Variants in ROR2 observed in about 807,000 individuals in gnomAD.
The protein encoded by ROR2 is ROR family WNT receptor 2.
Under a neutral mutation model 74.9 loss-of-function variants are expected in ROR2, and 33 were observed. That is an observed-to-expected ratio of 0.44 (90% CI 0.33 to 0.59). The LOEUF is 0.59. Ranked by LOEUF, ROR2 falls within the 20% of genes least tolerant of loss-of-function variation. ROR2 has a pLI of 0.02. For missense variants in ROR2, 1,216 were observed against 1,313.8 expected (o/e 0.93, Z 1.15); for synonymous variants, 586 against 558.7 (o/e 1.05, Z -0.69).
At chr9:91,799,156 G>A (rs1827292719) in intron 1 of ROR2, among the ~76,000 whole-genome samples, 1 of 152,124 alleles carries the variant, frequency 6.6e-6, no homozygotes, top group African/African-American at 2.4e-5. Flanking sequence ...TTCCTTTTCT[G>A]TTGCAGTTCT....
intron 4 of ROR2, among the ~76,000 whole-genome samples, chr9:91,748,394 A>G (rs1825499381): frequency 6.6e-6 from 1 of 152,260 alleles, no homozygotes; most frequent in African/African-American, 2.4e-5. Flanking sequence ...CAATGTACAC[A>G]TATATCAAAA....
intron 1 of ROR2, among the ~76,000 whole-genome samples, chr9:91,866,482 A>T (rs1404818723): frequency 6.7e-5 from 9 of 135,060 alleles, no homozygotes; most frequent in Non-Finnish European, 1.4e-4. Context: ...CAGTGGCATG[A>T]TCTTGGCTCA....
intron 1 of ROR2, among the ~76,000 whole-genome samples, chr9:91,865,245 G>C (rs989653425): frequency 9.9e-5 from 15 of 152,148 alleles, no homozygotes; most frequent in African/African-American, 3.4e-4. Flanking sequence ...CAGCTGGCAG[G>C]TTACACACTT....
At chr9:91,753,320 G>C (rs1295055895) in intron 4 of ROR2, among the ~76,000 whole-genome samples, 1 of 152,234 alleles carries the variant, frequency 6.6e-6, no homozygotes, top group Non-Finnish European at 1.5e-5. Flanking sequence ...GAGGAGACAT[G>C]AGTGCCAAGC....
At chr9:91,832,404 C>T (rs1445855227) in intron 1 of ROR2, among the ~76,000 whole-genome samples, 2 of 148,234 alleles carry the variant, frequency 1.3e-5, no homozygotes, top group African/African-American at 4.9e-5. Flanking sequence ...AGGCTGTGTC[C>T]CCTACCCATG....
rs538943048 is a variant in ROR2 at position 91,803,398 on chromosome 9, G to C, written c.98-27580C>G. 2.0e-5 allele frequency among the ~76,000 whole-genome samples: 3 copies of C among 152,346 alleles called. No individual in the cohort carries two copies. In the East Asian group the frequency reaches 5.8e-4, roughly 29 times the overall value. Reference sequence around the variant, plus strand: ...ACAGAATGGAGGCTGCCAGAGGCTGGAGGAGGGGACAGGGAGTTGTTTAAT... The same window carrying C: ...ACAGAATGGAGGCTGCCAGAGGCTGCAGGAGGGGACAGGGAGTTGTTTAAT... On this transcript the variant is annotated intron_variant, in intron 1 of 8. Transcript: ENST00000375708.
intron 1 of ROR2, among the ~76,000 whole-genome samples, chr9:91,949,275 A>G (rs528175455): frequency 1.3e-5 from 2 of 151,586 alleles, no homozygotes; most frequent in South Asian, 4.2e-4. Context: ...GATGCCAAAG[A>G]GCCCGTTTCC....
intron 1 of ROR2, among the ~76,000 whole-genome samples, chr9:91,824,490 A>G (rs757329466): frequency 6.6e-6 from 1 of 152,238 alleles, no homozygotes; most frequent in Non-Finnish European, 1.5e-5. Context: ...AGTGCATTCA[A>G]CAGGTCTACT....
intron 1 of ROR2, among the ~76,000 whole-genome samples, chr9:91,833,004 G>C (rs1458423788): frequency 6.6e-6 from 1 of 152,200 alleles, no homozygotes; most frequent in African/African-American, 2.4e-5. Flanking sequence ...CCACCAGCAA[G>C]TCAGGATGTG....
chr9:91,803,316 G>C (rs1031300410), intron 1 of ROR2, among the ~76,000 whole-genome samples: 2 of 152,200 alleles, frequency 1.3e-5, no homozygotes, highest in African/African-American at 4.8e-5. Flanking sequence ...AACGACAAAG[G>C]CTATGTGAAT....
chr9:91,760,192 G>A (rs1002726017), intron 2 of ROR2, among the ~76,000 whole-genome samples: 1 of 152,086 alleles, frequency 6.6e-6, no homozygotes, highest in African/African-American at 2.4e-5. Context: ...TCCCCTCCAT[G>A]GAAGGTGTTT....
chr9:91,921,856 CAAAAA>C (rs560682210), intron 1 of ROR2, among the ~76,000 whole-genome samples: 1 of 88,318 alleles, frequency 1.1e-5, no homozygotes. Context: ...GACTCCGTCT[CAAAAA>C]AAAAAAAAAA....
chr9:91,888,822 A>C (rs896048449), intron 1 of ROR2, among the ~76,000 whole-genome samples: 2 of 152,212 alleles, frequency 1.3e-5, no homozygotes, highest in Non-Finnish European at 2.9e-5. Context: ...CTGCACGGGA[A>C]GCAATGTCCT....
intron 1 of ROR2, among the ~76,000 whole-genome samples, chr9:91,865,069 A>C (rs1829587885): frequency 6.6e-6 from 1 of 152,222 alleles, no homozygotes; most frequent in African/African-American, 2.4e-5. Context: ...GTAATCTACA[A>C]AATCCTCAAT....
chr9:91,882,977 C>T (rs1042933097), intron 1 of ROR2, among the ~76,000 whole-genome samples: 1 of 152,188 alleles, frequency 6.6e-6, no homozygotes, highest in Middle Eastern at 3.2e-3. Flanking sequence ...GAGATATATA[C>T]TACAGGTTGA....
chr9:91,748,891 G>C (rs1176541474), intron 4 of ROR2, among the ~76,000 whole-genome samples: 1 of 152,212 alleles, frequency 6.6e-6, no homozygotes, highest in African/African-American at 2.4e-5. Flanking sequence ...GCCGGGCGTG[G>C]TGGCAGGCGC....
chr9:91,894,100 C>T (rs891158198), intron 1 of ROR2, among the ~76,000 whole-genome samples: 1 of 152,184 alleles, frequency 6.6e-6, no homozygotes, highest in Non-Finnish European at 1.5e-5. Context: ...GCCCTTGTGA[C>T]TGGTCCCTGC....
intron 2 of ROR2, among the ~76,000 whole-genome samples, chr9:91,764,480 A>G (rs1378091566): frequency 2.0e-5 from 3 of 151,920 alleles, no homozygotes; most frequent in Admixed American, 6.6e-5. Context: ...GGCTAGCTTA[A>G]CTACTTTTTA....
At chr9:91,944,641 G>C (rs1375197831) in intron 1 of ROR2, among the ~76,000 whole-genome samples, 1 of 152,018 alleles carries the variant, frequency 6.6e-6, no homozygotes, top group Non-Finnish European at 1.5e-5. Context: ...AAAATACTCA[G>C]GAATAGATTT....
Sources: allele counts gnomAD v4.1 joint callset (sites outside exome capture counted in the v4.1 genomes callset), GRCh38; gene constraint gnomAD v4.1.1; transcripts MANE v1.5; gene names NCBI Gene and HGNC (gene_info 2026-07-23, HGNC 2026-07-21).